The following ICE1 variants were observed in gnomAD, a reference collection of about 807,000 sequenced individuals.
ICE1 encodes the protein little elongation complex subunit 1.
In ICE1, 64 loss-of-function variants were observed where a neutral mutation model predicts 192.7. That is an observed-to-expected ratio of 0.33 (90% CI 0.27 to 0.41). The LOEUF is 0.41. ICE1 is among the 10% of genes least tolerant of loss of function. ICE1 has a pLI of 1.00. For missense variants in ICE1, 2,708 were observed against 2,696.0 expected (o/e 1.00, Z -0.10); for synonymous variants, 1,010 against 984.5 (o/e 1.03, Z -0.49).
chr5:5,473,780 T>C, intron 16 of ICE1, 32 bp downstream of exon 16: 2 of 1,462,794 alleles, frequency 1.4e-6, no homozygotes, highest in South Asian at 1.3e-5. Context: ...AATAAAGATA[T>C]GTTATTGTAA....
Position 5,462,090 on chromosome 5 carries a change from C to T in ICE1, c.2756C>T (p.Ala919Val), listed in dbSNP as rs1426803897. ...DDTTQNITEVAAVKSISPEVS... is the reference protein window; with the variant it reads ...DDTTQNITEVVAVKSISPEVS... ...ACAACACAAAACATCACGGAGGTGG[C>T]TGCTGTGAAAAGCATTTCACCAGAA... The change falls in exon 13 of 19, where the codon GCT becomes GTT. Residue 919 changes from alanine to valine, a missense_variant. Physicochemically the swap from Ala to Val is moderately conservative, Grantham distance 64. Coordinates refer to ENST00000296564, the MANE Select transcript of ICE1 (RefSeq NM_015325.3). The T allele has an allele frequency of 1.9e-6, 3 of 1,613,852 alleles. No individual in the cohort carries two copies. Among genetic ancestry groups the T allele is most frequent in the Non-Finnish European group, 2.5e-6 (3 of 1,179,802 alleles).
intron 14 of ICE1, among the ~76,000 whole-genome samples, chr5:5,466,825 G>A (rs1449470006): frequency 6.6e-6 from 1 of 152,180 alleles, no homozygotes; most frequent in Non-Finnish European, 1.5e-5. Flanking sequence ...CCAAACTGCT[G>A]TACCACTAGG....
At position 5,489,399 on chromosome 5, in the gene ICE1, C is replaced by A; in HGVS notation, c.*69C>A. On this transcript the variant is annotated 3_prime_UTR_variant, in exon 19 of 19. Transcript: ENST00000296564. ...GAACACAAATAGTTTGATCAGCTTT[C>A]AGAATACAAAGGGAGGTTTCAAAAC... 1.5e-6 allele frequency: 2 copies of A among 1,356,452 alleles called. No individual in the cohort carries two copies. Among genetic ancestry groups the A allele is most frequent in the South Asian group, 1.5e-5 (1 of 67,518 alleles). 84.0% of individuals were successfully genotyped at this position (1,356,452 alleles called of 1,614,324 possible). A position where few individuals can be genotyped will look rare whatever the true frequency, so the allele number is the denominator to read the frequency against.
intron 1 of ICE1, among the ~76,000 whole-genome samples, chr5:5,428,902 AT>A (rs1737611939): frequency 6.6e-6 from 1 of 152,194 alleles, no homozygotes; most frequent in African/African-American, 2.4e-5. Context: ...TTCTGAAGAC[AT>A]TTTTGATTGT....
At position 5,422,816 on chromosome 5, in the gene ICE1, C is replaced by A; in HGVS notation, c.-100C>A. On this transcript the variant is annotated 5_prime_UTR_variant, in exon 1 of 19. Transcript: ENST00000296564. ...CCCGCCCGGACCTGGCGGGAAGCGGCCTGGCAGGCGGCGGCCCCGGCGGCA... is the reference window on the plus strand; with the variant it reads ...CCCGCCCGGACCTGGCGGGAAGCGGACTGGCAGGCGGCGGCCCCGGCGGCA... 1 of 882,324 alleles carries A rather than the reference C, an allele frequency of 1.1e-6. No individual in the cohort carries two copies. The highest frequency in any genetic ancestry group is 1.5e-6 in the Non-Finnish European group (1 of 672,598). 54.7% of individuals were successfully genotyped at this position (882,324 alleles called of 1,614,324 possible).
At chr5:5,465,722 G>A (rs529878668) in intron 13 of ICE1, among the ~76,000 whole-genome samples, 1 of 152,168 alleles carries the variant, frequency 6.6e-6, no homozygotes, top group Non-Finnish European at 1.5e-5. Context: ...ATGACTTCTA[G>A]TGCTAGACGG....
intron 15 of ICE1, among the ~76,000 whole-genome samples, chr5:5,470,445 T>C (rs1348781125): frequency 6.6e-6 from 1 of 152,214 alleles, no homozygotes; most frequent in African/African-American, 2.4e-5. Context: ...TTTTAGTAAA[T>C]GTATTTGCTA....
chr5:5,437,160 T>A (rs762187765), intron 3 of ICE1, 46 bp downstream of exon 3: 1 of 1,392,226 alleles, frequency 7.2e-7, no homozygotes, highest in Admixed American at 2.0e-5. Flanking sequence ...AACTAACTTA[T>A]GTTTAATTCC....
chr5:5,434,094 GA>G (rs943215228), intron 1 of ICE1, among the ~76,000 whole-genome samples: 2 of 152,114 alleles, frequency 1.3e-5, no homozygotes, highest in African/African-American at 4.8e-5. Context: ...AATAAAGGGA[GA>G]AAAATACATA....
intron 13 of ICE1, 42 bp from the exon 14 acceptor site, chr5:5,466,292 G>T (rs752215332): frequency 6.6e-7 from 1 of 1,519,022 alleles, no homozygotes; most frequent in Non-Finnish European, 8.9e-7. Context: ...CTGAAGATAA[G>T]TATGAGTGTA....
chr5:5,432,067 C>A (rs1639221005), intron 1 of ICE1, among the ~76,000 whole-genome samples: 1 of 151,742 alleles, frequency 6.6e-6, no homozygotes, highest in Admixed American at 6.6e-5. Flanking sequence ...ATATAAAATT[C>A]TGCCTTTTAT....
intron 1 of ICE1, among the ~76,000 whole-genome samples, chr5:5,433,162 A>C (rs1208792667): frequency 6.6e-6 from 1 of 152,176 alleles, no homozygotes; most frequent in African/African-American, 2.4e-5. Flanking sequence ...GCTTAGGTTT[A>C]TTTAATCTTT....
intron 12 of ICE1, among the ~76,000 whole-genome samples, chr5:5,458,658 C>T (rs1487440381): frequency 6.6e-6 from 1 of 152,136 alleles, no homozygotes; most frequent in African/African-American, 2.4e-5. Context: ...TAGATTCATG[C>T]AGGTGACACT....
chr5:5,485,864 T>C (rs939256222), intron 17 of ICE1, among the ~76,000 whole-genome samples: 1 of 152,342 alleles, frequency 6.6e-6, no homozygotes, highest in Middle Eastern at 3.4e-3. Flanking sequence ...GCTTAAAAGC[T>C]CAGATGTTAT....
chr5:5,441,022 G>A, intron 4 of ICE1, 90 bp from the exon 5 acceptor site: 5 of 775,506 alleles, frequency 6.4e-6, no homozygotes, highest in South Asian at 2.1e-5. Flanking sequence ...TTTGTTCCAA[G>A]TTAGCAATAA....
In ICE1 at chr5:5,447,777, T is replaced by A; in HGVS notation, c.547+17T>A. 6.3e-7 allele frequency: 1 copy of A among 1,578,834 alleles called. No individual in the cohort carries two copies. Among genetic ancestry groups the A allele is most frequent in the Non-Finnish European group, 8.6e-7 (1 of 1,159,990 alleles). On this transcript the variant is annotated intron_variant, in intron 9 of 18. Transcript: ENST00000296564. Reference sequence around the variant, plus strand: ...ATGAAAAGGGTGAGTATTCAGTTAATGCTTACATAAATTTATTTTTGATAT... The same window carrying A: ...ATGAAAAGGGTGAGTATTCAGTTAAAGCTTACATAAATTTATTTTTGATAT...
At chr5:5,447,062 G>A (rs911777799) in intron 7 of ICE1, among the ~76,000 whole-genome samples, 2 of 152,154 alleles carry the variant, frequency 1.3e-5, no homozygotes, top group African/African-American at 4.8e-5. Flanking sequence ...TATATTCTGA[G>A]ATAAAATCAC....
intron 1 of ICE1, among the ~76,000 whole-genome samples, chr5:5,430,639 G>A (rs1737678011): frequency 6.6e-6 from 1 of 152,148 alleles, no homozygotes; most frequent in African/African-American, 2.4e-5. Flanking sequence ...TTTTCCTGTT[G>A]TTAAATAGTA....
At position 5,464,478 on chromosome 5, in the gene ICE1, A is replaced by G. The variant is rs766075103; in HGVS notation, c.5144A>G (p.Gln1715Arg). 2 of 1,613,812 alleles carry G rather than the reference A, an allele frequency of 1.2e-6. No individual in the cohort carries two copies. The highest frequency in any genetic ancestry group is 1.7e-6 in the Non-Finnish European group (2 of 1,179,846). The part of the protein sequence containing the change: ...ASERVVPSPL[Q>R]FCAATPKHAL... The stretch of plus-strand genomic sequence containing the variant: ...GAGAGGGTAGTGCCGTCTCCTCTGC[A>G]GTTCTGTGCGGCCACGCCGAAGCAC... Residue 1715 changes from glutamine (Q) to arginine (R), a missense_variant, in exon 13 of 19, where the codon CAG (glutamine) becomes CGG (arginine). Physicochemically the swap from Gln to Arg is conservative, Grantham distance 43. Transcript: ENST00000296564. This position sits in a 1 kb window ranked among gnomAD's most constrained non-coding sequence, Gnocchi z 4.0.
Sources: allele counts gnomAD v4.1 joint callset (sites outside exome capture counted in the v4.1 genomes callset), GRCh38; gene constraint gnomAD v4.1.1; non-coding constraint Gnocchi (gnomAD v3.1); transcripts MANE v1.5; gene names NCBI Gene and HGNC (gene_info 2026-07-23, HGNC 2026-07-21).